MLLT3: variants seen among roughly 807,000 people sequenced by gnomAD.
MLLT3 encodes protein AF-9.
A neutral mutation model predicts 53.2 loss-of-function variants in MLLT3; 4 were observed. That is an observed-to-expected ratio of 0.08 (90% confidence interval 0.04 to 0.17). MLLT3 has a LOEUF of 0.17. MLLT3 is among the 10% of genes least tolerant of loss of function. The pLI, the probability that MLLT3 is intolerant of heterozygous loss-of-function variation, is 1.00. For missense variants in MLLT3, 569 were observed against 684.0 expected (o/e 0.83, Z 1.87); for synonymous variants, 283 against 230.6 (o/e 1.23, Z -2.06).
chr9:20,526,935 AC>A (rs1370322905), intron 2 of MLLT3, among the ~76,000 whole-genome samples: 1 of 152,218 alleles, frequency 6.6e-6, no homozygotes, highest in Non-Finnish European at 1.5e-5. Context: ...TTGGACACTT[AC>A]GAAGTGTCTG....
At chr9:20,537,407 G>A (rs1444369697) in intron 2 of MLLT3, among the ~76,000 whole-genome samples, 1 of 152,084 alleles carries the variant, frequency 6.6e-6, no homozygotes, top group African/African-American at 2.4e-5. Flanking sequence ...ATTTTAGATA[G>A]GCTTTCTTAT....
chr9:20,463,796 T>A (rs1010412152), intron 2 of MLLT3, among the ~76,000 whole-genome samples: 1 of 152,166 alleles, frequency 6.6e-6, no homozygotes, highest in African/African-American at 2.4e-5. Context: ...ATTATTATCA[T>A]TTTCTTAAAG....
At chr9:20,599,174 C>T (rs937053095) in intron 2 of MLLT3, among the ~76,000 whole-genome samples, 2 of 151,870 alleles carry the variant, frequency 1.3e-5, no homozygotes, top group African/African-American at 4.8e-5. Flanking sequence ...CATGGTGGCA[C>T]GCGCCTGCAG....
intron 2 of MLLT3, among the ~76,000 whole-genome samples, chr9:20,571,262 G>A (rs557470982): frequency 1.3e-5 from 2 of 152,282 alleles, no homozygotes; most frequent in Non-Finnish European, 2.9e-5. Context: ...CAATGGGATT[G>A]CCTCAAACTA....
chr9:20,384,491 A>C (rs2118704787), intron 5 of MLLT3, among the ~76,000 whole-genome samples: 1 of 152,218 alleles, frequency 6.6e-6, no homozygotes, highest in South Asian at 2.1e-4. Flanking sequence ...TAATGTACTC[A>C]TTTCCTAAGA....
intron 2 of MLLT3, among the ~76,000 whole-genome samples, chr9:20,520,627 G>A (rs763597158): frequency 6.6e-6 from 1 of 152,106 alleles, no homozygotes; most frequent in Non-Finnish European, 1.5e-5. Context: ...AACACACAAG[G>A]GTTAGGCACA....
At chr9:20,516,150 G>A (rs764650185) in intron 2 of MLLT3, among the ~76,000 whole-genome samples, 4 of 152,126 alleles carry the variant, frequency 2.6e-5, no homozygotes, top group South Asian at 2.1e-4. Context: ...TCCTGACTCC[G>A]CTAAGGACTC....
chr9:20,467,896 T>G (rs1311390634), intron 2 of MLLT3, among the ~76,000 whole-genome samples: 2 of 152,240 alleles, frequency 1.3e-5, no homozygotes, highest in Non-Finnish European at 2.9e-5. Context: ...TTTCCTCACT[T>G]AAATCAAGGG....
intron 2 of MLLT3, among the ~76,000 whole-genome samples, chr9:20,604,863 G>A (rs889182180): frequency 6.6e-6 from 1 of 152,046 alleles, no homozygotes; most frequent in Non-Finnish European, 1.5e-5. Flanking sequence ...TTTTAACAAT[G>A]TTAAACTTTT....
Position 20,346,085 on chromosome 9 carries a change from G to C in MLLT3, c.*358C>G. 3.8e-6 allele frequency: 1 copy of C among 263,414 alleles called. No homozygotes were observed. Among genetic ancestry groups the C allele is most frequent in the Admixed American group, 4.8e-5 (1 of 20,696 alleles). The allele number at this position is 263,414 out of a possible 1,614,324, so 16.3% of individuals were successfully genotyped here. ...AGTGTGTTGAATATGCATTCGTCCT[G>C]TGGAATGAACCACCACAGAGAGATA... On this transcript the variant is annotated 3_prime_UTR_variant, in exon 11 of 11. Transcript: ENST00000380338.
At position 20,341,845 on chromosome 9, in the gene MLLT3, A is replaced by G. The variant is rs1820743718; in HGVS notation, c.*4598T>C. On this transcript the variant is annotated 3_prime_UTR_variant, in exon 11 of 11. Transcript: ENST00000380338. The stretch of plus-strand genomic sequence containing the variant: ...AACCCTCCAAAGAAATAGGGGGGAA[A>G]GAAAAAATACCGGGCACACATAGCC... The G allele has an allele frequency of 4.9e-6, 1 of 205,484 alleles. No individual in the cohort carries two copies. Among genetic ancestry groups the G allele is most frequent in the Non-Finnish European group, 1.0e-5 (1 of 100,498 alleles). The allele number at this position is 205,484 out of a possible 1,614,324, so 12.7% of individuals were successfully genotyped here. A position where few individuals can be genotyped will look rare whatever the true frequency, so the allele number is the denominator to read the frequency against.
intron 10 of MLLT3, among the ~76,000 whole-genome samples, chr9:20,352,614 G>T (rs1017107944): frequency 4.0e-5 from 6 of 151,624 alleles, no homozygotes; most frequent in Admixed American, 6.6e-5. Context: ...AGCTTATCAG[G>T]CCAGTCAGGA....
intron 7 of MLLT3, among the ~76,000 whole-genome samples, chr9:20,362,117 A>C (rs1050293888): frequency 4.6e-5 from 7 of 152,220 alleles, no homozygotes; most frequent in Non-Finnish European, 8.8e-5. Context: ...AAGTGCAGTG[A>C]AGATCAAATG....
chr9:20,583,373 G>A (rs1422599126), intron 2 of MLLT3, among the ~76,000 whole-genome samples: 1 of 152,090 alleles, frequency 6.6e-6, no homozygotes, highest in Admixed American at 6.6e-5. Flanking sequence ...CAAGCAGTCG[G>A]TGGATCTACC....
intron 2 of MLLT3, among the ~76,000 whole-genome samples, chr9:20,601,676 CTCAATAATGTAGCT>C (rs1401776919): frequency 6.6e-6 from 1 of 151,958 alleles, no homozygotes; most frequent in African/African-American, 2.4e-5. Context: ...CAGACAGATC[CTCAATAATGTAGCT>C]TCAATAAAAA....
At chr9:20,422,710 C>T (rs1288490680) in intron 4 of MLLT3, among the ~76,000 whole-genome samples, 1 of 152,122 alleles carries the variant, frequency 6.6e-6, no homozygotes, top group African/African-American at 2.4e-5. Context: ...ATAGCAGCCG[C>T]AAAGAGTAGT....
rs553402748 is a variant in MLLT3 at position 20,609,257 on chromosome 9, C to A, written c.193+11397G>T. On this transcript the variant is annotated intron_variant, in intron 2 of 10. Coordinates refer to ENST00000380338, the MANE Select transcript of MLLT3 (RefSeq NM_004529.4). Reference sequence around the variant, plus strand: ...CTAAAAGTTATACAGCATGTTACAACTGAAGAGTAGAAAAGTACTTGCTTT... The same window carrying A: ...CTAAAAGTTATACAGCATGTTACAAATGAAGAGTAGAAAAGTACTTGCTTT... 1.2e-3 allele frequency among the ~76,000 whole-genome samples: 180 copies of A among 152,112 alleles called. 1 individual carries two copies. Among genetic ancestry groups the A allele is most frequent in the Non-Finnish European group, 1.9e-3 (129 of 67,920 alleles).
intron 2 of MLLT3, among the ~76,000 whole-genome samples, chr9:20,575,333 T>C (rs934603731): frequency 2.6e-5 from 4 of 152,186 alleles, no homozygotes; most frequent in Non-Finnish European, 5.9e-5. Context: ...ATGGCAGCTA[T>C]AGCCATAGAT....
chr9:20,461,315 C>T (rs889381639), intron 2 of MLLT3, among the ~76,000 whole-genome samples: 1 of 151,844 alleles, frequency 6.6e-6, no homozygotes, highest in Admixed American at 6.6e-5. Context: ...TGACCAATAA[C>T]CTATTTAATT....
Sources: gnomAD v4.1 joint callset for allele counts (sites outside exome capture counted in the v4.1 genomes callset) on GRCh38, gnomAD v4.1.1 for gene constraint, MANE v1.5 for transcripts, NCBI Gene and HGNC (gene_info 2026-07-23, HGNC 2026-07-21) for gene names.